The following YWHAH variants were observed in gnomAD, a reference collection of about 807,000 sequenced individuals.
YWHAH encodes the protein tyrosine 3-monooxygenase/tryptophan 5-monooxygenase activation protein eta, also known as 14-3-3 protein eta.
In YWHAH, 6 loss-of-function variants were observed where a neutral mutation model predicts 22.9. That is an observed-to-expected ratio of 0.26 (90% CI 0.14 to 0.52). The LOEUF (loss-of-function observed/expected upper bound fraction) is 0.52, where lower values mean the gene tolerates loss of function less well. Ranked by LOEUF, YWHAH falls within the 20% of genes least tolerant of loss-of-function variation. YWHAH has a pLI of 0.97. For synonymous variants in YWHAH, 135 were observed against 124.5 expected (o/e 1.08, Z -0.56); for missense variants, 173 against 308.6 (o/e 0.56, Z 3.29).
chr22:31,949,108 A>G (rs1238209031), intron 1 of YWHAH, among the ~76,000 whole-genome samples: 1 of 141,020 alleles, frequency 7.1e-6, no homozygotes, highest in Non-Finnish European at 1.5e-5. Flanking sequence ...TGTGTGTTAC[A>G]TTTAGCAAGT....
At chr22:31,955,986 T>G (rs1354397370) in intron 1 of YWHAH, among the ~76,000 whole-genome samples, 153 bp from the exon 2 acceptor site, 3 of 152,230 alleles carry the variant, frequency 2.0e-5, no homozygotes, top group African/African-American at 4.8e-5. Flanking sequence ...ATGTCTATAT[T>G]GGTTTTATCC....
At chr22:31,945,892 GA>G (rs1249179905) in intron 1 of YWHAH, among the ~76,000 whole-genome samples, 1 of 152,138 alleles carries the variant, frequency 6.6e-6, no homozygotes, top group African/African-American at 2.4e-5. Flanking sequence ...TTAAGTCTGA[GA>G]ATTACTGCCC....
chr22:31,953,014 A>G (rs2093845241), intron 1 of YWHAH, among the ~76,000 whole-genome samples: 1 of 152,216 alleles, frequency 6.6e-6, no homozygotes, highest in African/African-American at 2.4e-5. Context: ...GGGTTTAATA[A>G]TTATACCGCC....
intron 1 of YWHAH, among the ~76,000 whole-genome samples, chr22:31,948,320 C>T (rs577067156): frequency 5.1e-4 from 78 of 152,020 alleles, no homozygotes; most frequent in African/African-American, 1.8e-3. Context: ...TAAAAGTGCA[C>T]AGCTGACTGC....
intron 1 of YWHAH, among the ~76,000 whole-genome samples, chr22:31,952,842 C>A (rs1768547204): frequency 6.6e-6 from 1 of 152,178 alleles, no homozygotes; most frequent in Admixed American, 6.5e-5. Context: ...CCTGCCACAC[C>A]TTTTATTGGT....
intron 1 of YWHAH, chr22:31,945,236 G>T: frequency 8.7e-7 from 1 of 1,142,900 alleles, no homozygotes; most frequent in Non-Finnish European, 1.1e-6. Flanking sequence ...GAATCACCTA[G>T]TAAGTGGCGC....
At chr22:31,946,299 A>G (rs7291522) in intron 1 of YWHAH, among the ~76,000 whole-genome samples, 15,204 of 152,194 alleles carry the variant, frequency 0.1, 1,807 homozygotes, top group African/African-American at 0.29. Flanking sequence ...GTCCTTTAAA[A>G]GAAAATCTAA....
In YWHAH at chr22:31,956,582, C is replaced by T; in HGVS notation, c.531C>T (p.Leu177=). ...ATCCCATCCGGCTGGGCCTGGCCCT[C>T]AACTTCTCCGTGTTCTACTATGAGA... The part of the protein sequence containing the change: ...PTHPIRLGLA[L]NFSVFYYEIQ... The change falls in exon 2 of 2, where the codon CTC becomes CTT. Residue 177 remains leucine (L), a synonymous_variant. Coordinates refer to ENST00000248975, the MANE Select transcript of YWHAH (RefSeq NM_003405.4). This position sits in a 1 kb window ranked among gnomAD's most constrained non-coding sequence, Gnocchi z 5.1. 6.2e-7 allele frequency: 1 copy of T among 1,614,194 alleles called. No individual in the cohort carries two copies. The highest frequency in any genetic ancestry group is 8.5e-7 in the Non-Finnish European group (1 of 1,180,026).
intron 1 of YWHAH, among the ~76,000 whole-genome samples, chr22:31,954,885 C>T (rs1347458328): frequency 6.6e-6 from 1 of 152,174 alleles, no homozygotes. Flanking sequence ...CTCACATTCA[C>T]AGGAACCTAG....
In YWHAH at chr22:31,944,742, C is replaced by T. The variant is rs747723196; in HGVS notation, c.9C>T (p.Asp3=). The T allele has an allele frequency of 1.8e-5, 25 of 1,412,896 alleles. No individual in the cohort carries two copies. Among genetic ancestry groups the T allele is most frequent in the Middle Eastern group, 2.4e-4 (1 of 4,154 alleles). 87.5% of individuals were successfully genotyped at this position (1,412,896 alleles called of 1,614,324 possible). The part of the protein sequence containing the change: MG[D]REQLLQRARL... ...GCCGAGCCGCGAGCGACATGGGGGA[C>T]CGGGAGCAGCTGCTGCAGCGGGCGC... Residue 3 remains aspartate, a synonymous_variant, in exon 1 of 2, where the codon GAC becomes GAT. Coordinates refer to ENST00000248975, the MANE Select transcript of YWHAH (RefSeq NM_003405.4).
Position 31,956,373 on chromosome 22 carries a change from C to G in YWHAH, c.322C>G (p.Leu108Val). Reference sequence around the variant, plus strand: ...TGTCCTGTCTCTGCTTGACAAGTTCCTGATCAAGAACTGCAATGATTTCCA... The same window carrying G: ...TGTCCTGTCTCTGCTTGACAAGTTCGTGATCAAGAACTGCAATGATTTCCA... The part of the protein sequence containing the change: ...NDVLSLLDKF[L>V]IKNCNDFQYE... Residue 108 changes from leucine (L) to valine (V), a missense_variant, in exon 2 of 2, where the codon CTG (leucine) becomes GTG (valine). Coordinates refer to ENST00000248975, the MANE Select transcript of YWHAH (RefSeq NM_003405.4). The surrounding 1 kb of genome is among the most constrained non-coding windows in gnomAD (Gnocchi z 5.1). 1 of 1,614,120 alleles carries G rather than the reference C, an allele frequency of 6.2e-7. No individual in the cohort carries two copies. Among genetic ancestry groups the G allele is most frequent in the Non-Finnish European group, 8.5e-7 (1 of 1,180,036 alleles).
chr22:31,945,147 G>A (rs998960651), intron 1 of YWHAH: 7 of 1,085,594 alleles, frequency 6.4e-6, no homozygotes, highest in Non-Finnish European at 7.9e-6. Context: ...ACGCGAAGGA[G>A]CCGCATTTCT....
chr22:31,952,046 G>A (rs904600600), intron 1 of YWHAH, among the ~76,000 whole-genome samples: 1 of 152,190 alleles, frequency 6.6e-6, no homozygotes, highest in African/African-American at 2.4e-5. Context: ...CTGAGGGAAG[G>A]TGCCGTGTGG....
chr22:31,955,182 G>A (rs561955815), intron 1 of YWHAH, among the ~76,000 whole-genome samples: 2 of 152,294 alleles, frequency 1.3e-5, no homozygotes, highest in East Asian at 3.9e-4. Flanking sequence ...CTTATGAATT[G>A]TTCTTCATTT....
Position 31,956,417 on chromosome 22 carries a change from T to C in YWHAH, c.366T>C (p.Phe122=), listed in dbSNP as rs1298924947. The C allele has an allele frequency of 6.2e-7, 1 of 1,614,030 alleles. No homozygotes were observed. The highest frequency in any genetic ancestry group is 1.3e-5 in the African/African-American group (1 of 74,912). The change falls in exon 2 of 2, where the codon TTT becomes TTC. Residue 122 remains phenylalanine (F), a synonymous_variant. Transcript: ENST00000248975. This position sits in a 1 kb window ranked among gnomAD's most constrained non-coding sequence, Gnocchi z 5.1. ...CNDFQYESKV[F]YLKMKGDYYR... is the part of the protein sequence containing the mutation. ...ATTTCCAGTATGAGAGCAAGGTGTT[T>C]TACCTGAAAATGAAGGGTGATTACT...
intron 1 of YWHAH, among the ~76,000 whole-genome samples, chr22:31,948,362 T>G (rs2093837991): frequency 6.6e-6 from 1 of 151,132 alleles, no homozygotes. Flanking sequence ...TCACAGAGAG[T>G]AGGAGGATTT....
intron 1 of YWHAH, among the ~76,000 whole-genome samples, chr22:31,945,989 A>G (rs1480381130): frequency 6.6e-6 from 1 of 152,312 alleles, no homozygotes; most frequent in East Asian, 1.9e-4. Context: ...CTAAAATCTT[A>G]AGTCATTTGG....
intron 1 of YWHAH, among the ~76,000 whole-genome samples, chr22:31,948,252 G>A (rs2093837809): frequency 6.6e-6 from 1 of 152,196 alleles, no homozygotes; most frequent in Non-Finnish European, 1.5e-5. Flanking sequence ...ACTGGCAAAA[G>A]GCTGTTGTTG....
At chr22:31,952,634 C>T (rs1450271127) in intron 1 of YWHAH, among the ~76,000 whole-genome samples, 1 of 152,204 alleles carries the variant, frequency 6.6e-6, no homozygotes, top group Non-Finnish European at 1.5e-5. Context: ...TAGTCACCCT[C>T]AGCTAATGCT....
Sources: gnomAD v4.1 joint callset for allele counts (sites outside exome capture counted in the v4.1 genomes callset) on GRCh38, gnomAD v4.1.1 for gene constraint, Gnocchi (gnomAD v3.1) non-coding constraint, MANE v1.5 for transcripts, NCBI Gene and HGNC (gene_info 2026-07-23, HGNC 2026-07-21) for gene names.